CNOT3: variants seen among roughly 807,000 people sequenced by gnomAD.
CNOT3 encodes CCR4-NOT transcription complex subunit 3, also known as CCR4-associated factor 3.
A neutral mutation model predicts 89.4 loss-of-function variants in CNOT3; 2 were observed. That is an observed-to-expected ratio of 0.02 (90% CI 0.01 to 0.07). CNOT3 has a LOEUF of 0.07. CNOT3 is among the 10% of genes least tolerant of loss of function. CNOT3 has a pLI of 1.00. For missense variants in CNOT3, 664 were observed against 1,010.2 expected, an observed-to-expected ratio of 0.66 and a Z score of 4.65; for synonymous variants, 486 against 402.0, an observed-to-expected ratio of 1.21 and a Z score of -2.50.
rs1432002442 is a variant in CNOT3 at position 54,144,589 on chromosome 19, G to T, written c.483+257G>T. ...TAGACCGTGGGGCCTTTGTGAAGAG[G>T]AGCGACTTGGGGGAAGGTGAGTGCA... On this transcript the variant is annotated intron_variant, in intron 7 of 17. Coordinates refer to ENST00000221232, the MANE Select transcript of CNOT3 (RefSeq NM_014516.4). This position sits in a 1 kb window ranked among gnomAD's most constrained non-coding sequence, Gnocchi z 4.8. 1.3e-4 allele frequency among the ~76,000 whole-genome samples: 20 copies of T among 152,178 alleles called. 1 individual carries two copies. The highest frequency in any genetic ancestry group is 2.9e-5 in the Non-Finnish European group (2 of 68,018).
At chr19:54,153,139 G>A (rs1225085291) in intron 16 of CNOT3, 140 bp downstream of exon 16, 1 of 777,064 alleles carries the variant, frequency 1.3e-6, no homozygotes. Flanking sequence ...CCACTCCTGG[G>A]CCCCTGCCCC....
rs1440578504 is a variant in CNOT3 at position 54,148,735 on chromosome 19, C to T, written c.1398C>T (p.Pro466=). Residue 466 remains proline (P), a synonymous_variant, in exon 12 of 18, where the codon CCC becomes CCT. Coordinates refer to ENST00000221232, the MANE Select transcript of CNOT3 (RefSeq NM_014516.4). This position sits in a 1 kb window ranked among gnomAD's most constrained non-coding sequence, Gnocchi z 6.3. ...CTTCCGGCCCCCACAACCCACCTCC[C>T]AGCACCTCGTGAGTGTCTCGGCCAT... ...GPPSGPHNPP[P]STSKEPSAAA... 6.2e-7 allele frequency: 1 copy of T among 1,611,682 alleles called. No individual in the cohort carries two copies. The highest frequency in any genetic ancestry group is 1.1e-5 in the South Asian group (1 of 90,726).
In CNOT3 at chr19:54,148,737, G is replaced by C. The variant is rs748576550; in HGVS notation, c.1400G>C (p.Ser467Thr). The C allele has an allele frequency of 5.0e-5, 81 of 1,611,530 alleles. No individual in the cohort carries two copies. Among genetic ancestry groups the C allele is most frequent in the Non-Finnish European group, 6.7e-5 (79 of 1,179,352 alleles). Residue 467 changes from serine to threonine, a missense_variant, in exon 12 of 18, where the codon AGC (serine) becomes ACC (threonine). Physicochemically the swap from Ser to Thr is moderately conservative, Grantham distance 58. Coordinates refer to ENST00000221232, the MANE Select transcript of CNOT3 (RefSeq NM_014516.4). The surrounding 1 kb of genome is among the most constrained non-coding windows in gnomAD (Gnocchi z 6.3). ...TCCGGCCCCCACAACCCACCTCCCA[G>C]CACCTCGTGAGTGTCTCGGCCATCG... The part of the protein sequence containing the change: ...PPSGPHNPPP[S>T]TSKEPSAAAP...
Position 54,148,554 on chromosome 19 carries a change from G to C in CNOT3, c.1282+19G>C, listed in dbSNP as rs752043894. 7 of 1,575,106 alleles carry C rather than the reference G, an allele frequency of 4.4e-6. No homozygotes were observed. The South Asian group carries it at 5.7e-5, about 13-fold the overall frequency. On this transcript the variant is annotated intron_variant, in intron 11 of 17. Coordinates refer to ENST00000221232, the MANE Select transcript of CNOT3 (RefSeq NM_014516.4). The surrounding 1 kb of genome is among the most constrained non-coding windows in gnomAD (Gnocchi z 6.3). ...GCCACCAGTGAGTGAGGAGGCAGCG[G>C]GGTGGGGGGCGTGGGCGGGGCTGGG...
Position 54,143,143 on chromosome 19 carries a change from A to G in CNOT3, c.50A>G (p.Lys17Arg), listed in dbSNP as rs767962135. 6.2e-7 allele frequency: 1 copy of G among 1,614,062 alleles called. No individual in the cohort carries two copies. Among genetic ancestry groups the G allele is most frequent in the Non-Finnish European group, 8.5e-7 (1 of 1,180,010 alleles). Residue 17 changes from lysine to arginine, a missense_variant, in exon 3 of 18, where the codon AAG becomes AGG. Lys to Arg is a conservative substitution (Grantham distance 26). Around this residue, in one of 8 missense-constraint regions of CNOT3, gnomAD observed 27 missense variants for 158.2 expected, o/e 0.17. Coordinates refer to ENST00000221232, the MANE Select transcript of CNOT3 (RefSeq NM_014516.4). ...LQGEIDRCLKKVSEGVEQFED... is the reference protein window; with the variant it reads ...LQGEIDRCLKRVSEGVEQFED... ...GGTGAGATTGATCGCTGCCTCAAGA[A>G]GGTGTCCGAGGGCGTGGAGCAGTTT...
At chr19:54,153,906 C>A in intron 17 of CNOT3, 66 bp downstream of exon 17, 2 of 1,602,250 alleles carry the variant, frequency 1.2e-6, no homozygotes, top group Non-Finnish European at 1.7e-6. Context: ...CTCCAGGCAG[C>A]CCCTGCTGGC....
Position 54,145,407 on chromosome 19 carries a change from T to C in CNOT3, c.484-191T>C, listed in dbSNP as rs1483620822. The C allele has an allele frequency of 1.0e-5, 6 of 599,178 alleles. No individual in the cohort carries two copies. The Admixed American group carries it at 1.2e-4, about 12-fold the overall frequency. The allele number at this position is 599,178 out of a possible 1,614,324, so 37.1% of individuals were successfully genotyped here. Reference sequence around the variant, plus strand: ...AGGAGGGAGCAGTGGGATCCCAAGATGTCAAGGCTAAGATTGGTCCCCACA... The same window carrying C: ...AGGAGGGAGCAGTGGGATCCCAAGACGTCAAGGCTAAGATTGGTCCCCACA... On this transcript the variant is annotated intron_variant, in intron 7 of 17. Coordinates refer to ENST00000221232, the MANE Select transcript of CNOT3 (RefSeq NM_014516.4). The surrounding 1 kb of genome is among the most constrained non-coding windows in gnomAD (Gnocchi z 5.9).
Position 54,148,439 on chromosome 19 carries a change from AGCGGAG to A in CNOT3, c.1197_1202del (p.Gly401_Gly402del), listed in dbSNP as rs771212010. 31 of 1,568,780 alleles carry A rather than the reference AGCGGAG, an allele frequency of 2.0e-5. No individual in the cohort carries two copies. Among genetic ancestry groups the A allele is most frequent in the Middle Eastern group, 1.7e-4 (1 of 5,856 alleles). On this transcript the variant is annotated inframe_deletion, in exon 11 of 18. Coordinates refer to ENST00000221232, the MANE Select transcript of CNOT3 (RefSeq NM_014516.4). The surrounding 1 kb of genome is among the most constrained non-coding windows in gnomAD (Gnocchi z 6.3). Reference sequence around the variant, plus strand: ...GCCCCGGCCCCCCAGCGTCCAGCCTAGCGGAGGCGGAGGCGGCGGCAGCGGAGGCGG... The same window carrying A: ...GCCCCGGCCCCCCAGCGTCCAGCCTAGCGGAGGCGGCGGCAGCGGAGGCGG...
intron 9 of CNOT3, 48 bp from the exon 10 acceptor site, chr19:54,146,553 A>C (rs2074682514): frequency 2.2e-6 from 2 of 923,986 alleles, no homozygotes; most frequent in African/African-American, 3.2e-5. Context: ...GTTCTCCATC[A>C]GAGCCCCAGA....
rs1383413971 is a variant in CNOT3, at chr19:54,145,732, C to T, written c.618C>T (p.Asp206=). 10 of 1,613,030 alleles carry T rather than the reference C, an allele frequency of 6.2e-6. No individual in the cohort carries two copies. The East Asian group carries it at 6.7e-5, about 11-fold the overall frequency. Residue 206 remains aspartate (D), a synonymous_variant, in exon 8 of 18, where the codon GAC becomes GAT. Transcript: ENST00000221232. The surrounding 1 kb of genome is among the most constrained non-coding windows in gnomAD (Gnocchi z 5.9). ...ACGCCATCCGCAAGATCAAGGACGA[C>T]GTTGAGTACTATGTTGACTCATCCC... The part of the protein sequence containing the change: ...LVDAIRKIKD[D]VEYYVDSSQD...
chr19:54,152,659 G>A (rs1434691053), intron 15 of CNOT3, 33 bp downstream of exon 15: 8 of 1,556,648 alleles, frequency 5.1e-6, no homozygotes, highest in Non-Finnish European at 7.1e-6. Context: ...GATGGTCTGG[G>A]ACTTGAGTCT....
Position 54,145,748 on chromosome 19 carries a change from G to C in CNOT3, c.634G>C (p.Asp212His). The C allele has an allele frequency of 6.2e-7, 1 of 1,613,720 alleles. No individual in the cohort carries two copies. The highest frequency in any genetic ancestry group is 8.5e-7 in the Non-Finnish European group (1 of 1,179,614). ...CAAGGACGACGTTGAGTACTATGTT[G>C]ACTCATCCCAGGACCCCGACTTCGA... ...KIKDDVEYYV[D>H]SSQDPDFEEN... is the part of the protein sequence containing the mutation. The change falls in exon 8 of 18, where the codon GAC becomes CAC. Residue 212 changes from aspartate (D) to histidine (H), a missense_variant. Asp to His is a moderately conservative substitution (Grantham distance 81, BLOSUM62 -1). Transcript: ENST00000221232. The surrounding 1 kb of genome is among the most constrained non-coding windows in gnomAD (Gnocchi z 5.9).
In CNOT3 at chr19:54,144,000, C is replaced by T. The variant is rs587714998; in HGVS notation, c.259-6C>T. The T allele has an allele frequency of 1.3e-6, 2 of 1,593,026 alleles. No individual in the cohort carries two copies. The highest frequency in any genetic ancestry group is 1.4e-5 in the African/African-American group (1 of 73,322). On this transcript the variant is annotated splice_region_variant and splice_polypyrimidine_tract_variant and intron_variant, in intron 5 of 17. Coordinates refer to ENST00000221232, the MANE Select transcript of CNOT3 (RefSeq NM_014516.4). The stretch of plus-strand genomic sequence containing the variant: ...AGAGCCCCCCTGCCAACTGCACTCT[C>T]TACAGCAAATGGAACGGTTCAAAGT...
intron 1 of CNOT3, among the ~76,000 whole-genome samples, chr19:54,139,102 G>A (rs2146520440): frequency 1.3e-5 from 2 of 152,316 alleles, no homozygotes; most frequent in Middle Eastern, 6.8e-3. Flanking sequence ...CCCACTGCGG[G>A]CAGCACCAGC....
At chr19:54,152,748 C>T in intron 15 of CNOT3, 119 bp from the exon 16 acceptor site, 3 of 939,276 alleles carry the variant, frequency 3.2e-6, no homozygotes, top group Non-Finnish European at 5.1e-6. Flanking sequence ...CACTGAAGGT[C>T]AGCACCGCCC....
Position 54,145,401 on chromosome 19 carries a change from C to T in CNOT3, c.484-197C>T. 1 of 598,440 alleles carries T rather than the reference C, an allele frequency of 1.7e-6. No individual in the cohort carries two copies. Among genetic ancestry groups the T allele is most frequent in the East Asian group, 2.8e-5 (1 of 36,194 alleles). The allele number at this position is 598,440 out of a possible 1,614,324, so 37.1% of individuals were successfully genotyped here. A position where few individuals can be genotyped will look rare whatever the true frequency, so the allele number is the denominator to read the frequency against. ...GGGGAGAGGAGGGAGCAGTGGGATC[C>T]CAAGATGTCAAGGCTAAGATTGGTC... is the stretch of plus-strand genomic sequence containing the variant. On this transcript the variant is annotated intron_variant, in intron 7 of 17. Transcript: ENST00000221232. The surrounding 1 kb of genome is among the most constrained non-coding windows in gnomAD (Gnocchi z 5.9).
At chr19:54,154,620 GATGAAGTAGTACAAGGTC>G (rs1427312940) in intron 17 of CNOT3, 1 of 156,314 alleles carries the variant, frequency 6.4e-6, no homozygotes, top group African/African-American at 2.4e-5. Flanking sequence ...CCTTCATGGG[GATGAAGTAGTACAAGGTC>G]CTTGTCCTCA....
Position 54,137,972 on chromosome 19 carries a change from A to T in CNOT3, c.-72A>T, listed in dbSNP as rs2074283320. On this transcript the variant is annotated 5_prime_UTR_variant, in exon 1 of 18. Transcript: ENST00000221232. ...CCCCGCCTGTCGCGATACGCTCCTCAGCGGCGGCGCCAGCTCCTGTGGTGA... is the reference window on the plus strand; with the variant it reads ...CCCCGCCTGTCGCGATACGCTCCTCTGCGGCGGCGCCAGCTCCTGTGGTGA... 6.6e-6 allele frequency: 1 copy of T among 151,836 alleles called. No individual in the cohort carries two copies. The highest frequency in any genetic ancestry group is 2.4e-5 in the African/African-American group (1 of 41,334). 9.4% of individuals were successfully genotyped at this position (151,836 alleles called of 1,614,324 possible).
rs781593644 is a variant in CNOT3 at position 54,148,288 on chromosome 19, C to G, written c.1035C>G (p.Ala345=). 1 of 1,608,594 alleles carries G rather than the reference C, an allele frequency of 6.2e-7. No homozygotes were observed. The highest frequency in any genetic ancestry group is 1.7e-5 in the Admixed American group (1 of 59,496). Residue 345 remains alanine (A), a synonymous_variant, in exon 11 of 18, where the codon GCC becomes GCG. Transcript: ENST00000221232. This position sits in a 1 kb window ranked among gnomAD's most constrained non-coding sequence, Gnocchi z 6.3. ...STTPGNNGVP[A]PAAPPSALGP... ...CTCCTGGCAACAATGGGGTCCCCGC[C>G]CCCGCAGCACCCCCAAGTGCCCTGG...
Sources: allele counts gnomAD v4.1 joint callset (sites outside exome capture counted in the v4.1 genomes callset), GRCh38; gene constraint gnomAD v4.1.1; regional missense constraint gnomAD v4.1.1; non-coding constraint Gnocchi (gnomAD v3.1); transcripts MANE v1.5; gene names NCBI Gene and HGNC (gene_info 2026-07-23, HGNC 2026-07-21).